Variants in SEMA6D observed in about 807,000 individuals in gnomAD.
SEMA6D encodes semaphorin-6D.
A neutral mutation model predicts 106.6 loss-of-function variants in SEMA6D; 35 were observed. The ratio of observed to expected loss-of-function variants is 0.33; its 90% CI spans 0.25 to 0.44. SEMA6D has a LOEUF of 0.44. SEMA6D is among the 20% of genes least tolerant of loss of function. The pLI is 1.00. For synonymous variants in SEMA6D, 499 were observed against 487.7 expected, an observed-to-expected ratio of 1.02 and a Z score of -0.31; for missense variants, 1,185 against 1,345.9, an observed-to-expected ratio of 0.88 and a Z score of 1.87.
At chr15:47,765,255 G>A (rs1250036129) in intron 13 of SEMA6D, 199 bp downstream of exon 13, 3 of 1,358,290 alleles carry the variant, frequency 2.2e-6, no homozygotes, top group Non-Finnish European at 2.8e-6. Flanking sequence ...AATGGTTGAT[G>A]AGTTTAAAAA....
chr15:47,611,382 A>G (rs531880925), intron 4 of SEMA6D, among the ~76,000 whole-genome samples: 1 of 152,342 alleles, frequency 6.6e-6, no homozygotes, highest in East Asian at 1.9e-4. Flanking sequence ...TTTGCAATAC[A>G]TTTTTTAAAA....
At chr15:47,462,800 A>C (rs1210365677) in intron 2 of SEMA6D, among the ~76,000 whole-genome samples, 1 of 152,118 alleles carries the variant, frequency 6.6e-6, no homozygotes, top group East Asian at 1.9e-4. Flanking sequence ...TTTATCTCAT[A>C]AAGATTACTT....
chr15:47,769,726 G>T (rs2082531137), intron 18 of SEMA6D, among the ~76,000 whole-genome samples: 1 of 151,972 alleles, frequency 6.6e-6, no homozygotes, highest in Non-Finnish European at 1.5e-5. Context: ...GATGTCTGTG[G>T]TTGCATTAAA....
chr15:47,566,998 A>G (rs1054664701), intron 3 of SEMA6D, among the ~76,000 whole-genome samples: 2 of 152,126 alleles, frequency 1.3e-5, no homozygotes, highest in Non-Finnish European at 2.9e-5. Context: ...GCCTCTCTTT[A>G]CTCTTCAAAA....
chr15:47,201,864 G>T (rs1010847390), intron 1 of SEMA6D, among the ~76,000 whole-genome samples: 3 of 151,956 alleles, frequency 2.0e-5, no homozygotes, highest in Non-Finnish European at 4.4e-5. Flanking sequence ...CACATACTTT[G>T]CCCAGCCCAG....
At chr15:47,426,361 C>T (rs927087515) in intron 2 of SEMA6D, among the ~76,000 whole-genome samples, 2 of 151,982 alleles carry the variant, frequency 1.3e-5, no homozygotes, top group Non-Finnish European at 2.9e-5. Flanking sequence ...TCTAATGGGT[C>T]CTCGTTTTAT....
At chr15:47,743,608 C>T (rs1263103238) in intron 1 of SEMA6D, among the ~76,000 whole-genome samples, 3 of 151,928 alleles carry the variant, frequency 2.0e-5, no homozygotes, top group Middle Eastern at 3.2e-3. Flanking sequence ...TTTTCATGGC[C>T]GGAGAAGGAA....
chr15:47,438,068 C>A (rs1031725504), intron 2 of SEMA6D, among the ~76,000 whole-genome samples: 11 of 152,034 alleles, frequency 7.2e-5, no homozygotes, highest in African/African-American at 1.9e-4. Context: ...AGTGAATTTC[C>A]GATATTTCCC....
At chr15:47,450,223 C>T (rs1490382346) in intron 2 of SEMA6D, among the ~76,000 whole-genome samples, 1 of 152,072 alleles carries the variant, frequency 6.6e-6, no homozygotes, top group Non-Finnish European at 1.5e-5. Flanking sequence ...TTTTCATTCC[C>T]GTTCTCCCTT....
intron 1 of SEMA6D, among the ~76,000 whole-genome samples, chr15:47,287,463 C>T (rs936295246): frequency 1.3e-5 from 2 of 152,168 alleles, no homozygotes; most frequent in African/African-American, 4.8e-5. Context: ...CTAATAACTC[C>T]AGCTGACTCC....
chr15:47,757,096 T>C (rs1348933051), intron 1 of SEMA6D, among the ~76,000 whole-genome samples: 1 of 152,078 alleles, frequency 6.6e-6, no homozygotes, highest in Non-Finnish European at 1.5e-5. Context: ...TCAGCAGTGA[T>C]TCCATCCTCA....
rs186008353 is a variant in SEMA6D, at chr15:47,689,799, G to A, written c.-54-69946G>A. On this transcript the variant is annotated intron_variant, in intron 4 of 19. Transcript: ENST00000558014. ...CATTCCCTCCCCTTCTTCTGGGCAT[G>A]TCTCTCCGCAGAGGACTGACTTCCA... 2.7e-3 allele frequency among the ~76,000 whole-genome samples: 411 copies of A among 152,340 alleles called. 2 individuals are homozygous for A. Among genetic ancestry groups the A allele is most frequent in the Non-Finnish European group, 4.1e-3 (279 of 68,028 alleles).
chr15:47,444,521 T>C (rs962193755), intron 2 of SEMA6D, among the ~76,000 whole-genome samples: 6 of 152,138 alleles, frequency 3.9e-5, no homozygotes, highest in Non-Finnish European at 8.8e-5. Flanking sequence ...CAGAAGGATA[T>C]GTCATTACAC....
At chr15:47,618,440 GC>G (rs1235456562) in intron 4 of SEMA6D, among the ~76,000 whole-genome samples, 1 of 152,194 alleles carries the variant, frequency 6.6e-6, no homozygotes, top group Non-Finnish European at 1.5e-5. Flanking sequence ...CTTGCCTGTG[GC>G]TCTGCCTACA....
At chr15:47,205,394 A>G (rs546982874) in intron 1 of SEMA6D, among the ~76,000 whole-genome samples, 1 of 152,130 alleles carries the variant, frequency 6.6e-6, no homozygotes, top group Non-Finnish European at 1.5e-5. Flanking sequence ...TTGTCATTAC[A>G]TAGTTGTGCA....
intron 1 of SEMA6D, among the ~76,000 whole-genome samples, chr15:47,195,174 C>T (rs1894252749): frequency 1.3e-5 from 2 of 151,788 alleles, no homozygotes; most frequent in African/African-American, 4.8e-5. Context: ...TAAGTGGGGA[C>T]AGTGGAGAAA....
intron 2 of SEMA6D, among the ~76,000 whole-genome samples, chr15:47,429,769 A>T (rs916658979): frequency 6.6e-5 from 10 of 152,072 alleles, no homozygotes; most frequent in African/African-American, 9.7e-5. Context: ...TATATTTTTT[A>T]AAAAATGTCT....
intron 1 of SEMA6D, among the ~76,000 whole-genome samples, chr15:47,739,776 C>T (rs1188636739): frequency 6.6e-6 from 1 of 152,170 alleles, no homozygotes; most frequent in Non-Finnish European, 1.5e-5. Flanking sequence ...ATACTGAAAT[C>T]ATCAGAGTGG....
In SEMA6D at chr15:47,760,327, A is replaced by G. The variant is rs2147670839; in HGVS notation, c.133A>G (p.Arg45Gly). ...YHYSRQYPVF[R>G]GRPSGNESQH... ...AGATTCAAGGCAATATCCGGTTTTT[A>G]GAGGACGCCCTTCAGGCAATGAATC... Residue 45 changes from arginine to glycine, a missense_variant, in exon 3 of 19, where the codon AGA (arginine) becomes GGA (glycine). Around this residue, in one of 3 missense-constraint regions of SEMA6D, gnomAD observed 144 missense variants for 138.6 expected, o/e 1.04. Coordinates refer to ENST00000536845, the MANE Select transcript of SEMA6D (RefSeq NM_001358351.3). 5 of 1,613,562 alleles carry G rather than the reference A, an allele frequency of 3.1e-6. No homozygotes were observed. The highest frequency in any genetic ancestry group is 4.2e-6 in the Non-Finnish European group (5 of 1,179,626).
Sources: allele counts gnomAD v4.1 joint callset (sites outside exome capture counted in the v4.1 genomes callset), GRCh38; gene constraint gnomAD v4.1.1; regional missense constraint gnomAD v4.1.1; transcripts MANE v1.5; gene names NCBI Gene and HGNC (gene_info 2026-07-23, HGNC 2026-07-21).